Variants in TGFBRAP1 observed in about 807,000 individuals in gnomAD.
TGFBRAP1 encodes the protein transforming growth factor-beta receptor-associated protein 1.
In TGFBRAP1, 20 loss-of-function variants were observed where a neutral mutation model predicts 83.2. That is an observed-to-expected ratio of 0.24 (90% CI 0.17 to 0.35). TGFBRAP1 has a LOEUF of 0.35. TGFBRAP1 is among the 10% of genes least tolerant of loss of function. The pLI is 1.00. For synonymous variants in TGFBRAP1, 415 were observed against 459.8 expected, an observed-to-expected ratio of 0.90 and a Z score of 1.25; for missense variants, 950 against 1,099.4, an observed-to-expected ratio of 0.86 and a Z score of 1.92.
downstream of TGFBRAP1, among the ~76,000 whole-genome samples, chr2:105,260,410 A>G (rs1241516748): frequency 6.6e-6 from 1 of 152,220 alleles, no homozygotes; most frequent in Non-Finnish European, 1.5e-5. Context: ...TTCTGTCTCC[A>G]TAAAAAAGGA....
the TGFBRAP1 span, among the ~76,000 whole-genome samples, chr2:105,253,636 T>G: frequency 7.9e-5 from 12 of 152,130 alleles, no homozygotes; most frequent in Non-Finnish European, 1.8e-4. Flanking sequence ...GGTCTCACTA[T>G]GTTGCCCAGG....
At chr2:105,303,585 C>T (rs1459134018) in intron 2 of TGFBRAP1, among the ~76,000 whole-genome samples, 3 of 152,196 alleles carry the variant, frequency 2.0e-5, no homozygotes, top group Non-Finnish European at 4.4e-5. Flanking sequence ...TATAATGATA[C>T]TTTTCAGAAA....
intron 1 of TGFBRAP1, among the ~76,000 whole-genome samples, chr2:105,322,913 G>A (rs1481085071): frequency 6.6e-6 from 1 of 152,122 alleles, no homozygotes; most frequent in African/African-American, 2.4e-5. Context: ...CCTTTGAGAC[G>A]GATGGGGGGC....
intron 1 of TGFBRAP1, among the ~76,000 whole-genome samples, chr2:105,315,683 A>G (rs1678832586): frequency 6.6e-6 from 1 of 152,240 alleles, no homozygotes; most frequent in Admixed American, 6.5e-5. Context: ...AAGAGCTACC[A>G]TTAAAAAGAT....
chr2:105,300,409 C>A (rs1459279531), intron 2 of TGFBRAP1, among the ~76,000 whole-genome samples: 1 of 151,552 alleles, frequency 6.6e-6, no homozygotes, highest in African/African-American at 2.4e-5. Context: ...AACACTACAA[C>A]CAACATAGGA....
At chr2:105,298,226 ACCTCCTTCAGGAAGC>A (rs1313149702) in intron 3 of TGFBRAP1, among the ~76,000 whole-genome samples, 5 of 152,062 alleles carry the variant, frequency 3.3e-5, no homozygotes, top group African/African-American at 1.2e-4. Flanking sequence ...CTAAAACAGC[ACCTCCTTCAGGAAGC>A]CCTCCCTGAT....
chr2:105,320,352 A>G (rs1450560145), intron 1 of TGFBRAP1, among the ~76,000 whole-genome samples: 1 of 152,212 alleles, frequency 6.6e-6, no homozygotes, highest in Non-Finnish European at 1.5e-5. Flanking sequence ...AAAAGGACAC[A>G]CTACCTCAAG....
chr2:105,308,386 T>C (rs2104395152), intron 1 of TGFBRAP1, 68 bp from the exon 2 acceptor site: 1 of 1,369,296 alleles, frequency 7.3e-7, no homozygotes, highest in East Asian at 2.5e-5. Context: ...GCTGCAATAA[T>C]GATACGTGGA....
Position 105,279,187 on chromosome 2 carries a change from T to G in TGFBRAP1, c.1463+1195A>C, listed in dbSNP as rs992672887. ...GAATGGAGAAGCTGCTGGCCCCAAC[T>G]AAGCCAGGCACTATGCATTAACAGT... is the stretch of plus-strand genomic sequence containing the variant. On this transcript the variant is annotated intron_variant, in intron 6 of 11. Transcript: ENST00000393359. 1.1e-4 allele frequency among the ~76,000 whole-genome samples: 16 copies of G among 152,172 alleles called. No individual in the cohort carries two copies. The South Asian group carries it at 1.5e-3, about 14-fold the overall frequency.
chr2:105,305,212 T>A (rs920344313), intron 2 of TGFBRAP1, among the ~76,000 whole-genome samples: 2 of 152,156 alleles, frequency 1.3e-5, no homozygotes, highest in East Asian at 1.9e-4. Context: ...TCTATTTTTT[T>A]AAAAAGTGAA....
chr2:105,263,800 C>T (rs1033746358), downstream of TGFBRAP1, among the ~76,000 whole-genome samples: 4 of 152,066 alleles, frequency 2.6e-5, no homozygotes, highest in African/African-American at 9.7e-5. Context: ...GCAGGAGAAT[C>T]ACTTGGACCC....
rs1415890265 is a variant in TGFBRAP1 at position 105,277,610 on chromosome 2, T to C, written c.1521+4A>G. 5.6e-6 allele frequency: 9 copies of C among 1,613,992 alleles called. No homozygotes were observed. The highest frequency in any genetic ancestry group is 7.6e-6 in the Non-Finnish European group (9 of 1,179,990). On this transcript the variant is annotated splice_donor_region_variant and intron_variant, in intron 7 of 11. Transcript: ENST00000393359. The stretch of plus-strand genomic sequence containing the variant: ...AAATCATGTGGAAACCCTTCTAGAC[T>C]CACCTGAACTGCAGCAGCATCTTGG...
Position 105,308,022 on chromosome 2 carries a change from G to A in TGFBRAP1, c.280C>T (p.Leu94=), listed in dbSNP as rs757697833. 2.5e-6 allele frequency: 4 copies of A among 1,613,996 alleles called. No homozygotes were observed. The Admixed American group carries it at 6.7e-5, about 27-fold the overall frequency. ...ACCAGGCTGATGGAGTTGTCACACA[G>A]CACCAGCAGCCTGTTGAGTGCTGAG... is the stretch of plus-strand genomic sequence containing the variant. The part of the protein sequence containing the change: ...AASALNRLLV[L]CDNSISLVNM... The change falls in exon 2 of 12, where the codon CTG becomes TTG. Residue 94 remains leucine, a synonymous_variant. Coordinates refer to ENST00000393359, the MANE Select transcript of TGFBRAP1 (RefSeq NM_004257.6).
At chr2:105,322,876 G>A (rs1679108653) in intron 1 of TGFBRAP1, among the ~76,000 whole-genome samples, 1 of 152,140 alleles carries the variant, frequency 6.6e-6, no homozygotes, top group African/African-American at 2.4e-5. Context: ...TAAGTGAACT[G>A]ACAAAAGTTG....
At chr2:105,319,224 C>A (rs1024973453) in intron 1 of TGFBRAP1, among the ~76,000 whole-genome samples, 2 of 151,894 alleles carry the variant, frequency 1.3e-5, no homozygotes, top group Non-Finnish European at 2.9e-5. Flanking sequence ...TTTTGCCCAG[C>A]TAATTTTTGC....
At chr2:105,282,028 A>C (rs1177963158) in intron 5 of TGFBRAP1, among the ~76,000 whole-genome samples, 1 of 152,148 alleles carries the variant, frequency 6.6e-6, no homozygotes, top group Non-Finnish European at 1.5e-5. Flanking sequence ...CTAAAGTACA[A>C]TTCTTGATTT....
rs917226683 is a variant in TGFBRAP1, at chr2:105,298,723, G to C, written c.689-18C>G. ...AAACATGCCTAGAAGTAAGAAGAAA[G>C]AGTTAGGTAGGCTTCCAAATAAGCA... On this transcript the variant is annotated intron_variant, in intron 2 of 11. Coordinates refer to ENST00000393359, the MANE Select transcript of TGFBRAP1 (RefSeq NM_004257.6). 1 of 1,546,470 alleles carries C rather than the reference G, an allele frequency of 6.5e-7. No individual in the cohort carries two copies. Among genetic ancestry groups the C allele is most frequent in the Non-Finnish European group, 8.8e-7 (1 of 1,140,200 alleles).
intron 4 of TGFBRAP1, among the ~76,000 whole-genome samples, chr2:105,289,600 A>C (rs1356016087): frequency 6.6e-6 from 1 of 152,104 alleles, no homozygotes; most frequent in Non-Finnish European, 1.5e-5. Flanking sequence ...AACTTGTTCT[A>C]CCTTAATGCT....
chr2:105,308,549 T>C (rs545770620), intron 1 of TGFBRAP1, among the ~76,000 whole-genome samples: 1 of 152,140 alleles, frequency 6.6e-6, no homozygotes, highest in South Asian at 2.1e-4. Context: ...TATACACATA[T>C]GTATGTGCTT....
Sources: allele counts gnomAD v4.1 joint callset (sites outside exome capture counted in the v4.1 genomes callset), GRCh38; gene constraint gnomAD v4.1.1; transcripts MANE v1.5; gene names NCBI Gene and HGNC (gene_info 2026-07-23, HGNC 2026-07-21).